Variants in PLA2G2C observed in about 807,000 individuals in gnomAD.
PLA2G2C encodes the protein putative inactive group IIC secretory phospholipase A2.
A neutral mutation model predicts 14.3 loss-of-function variants in PLA2G2C; 15 were observed. That is an observed-to-expected ratio of 1.05 (90% CI 0.70 to 1.62). PLA2G2C has a LOEUF of 1.62. Ranked by LOEUF, PLA2G2C falls within the 40% of genes most tolerant of loss-of-function variation. The pLI, the probability that PLA2G2C is intolerant of heterozygous loss-of-function variation, is 0.00. For synonymous variants in PLA2G2C, 79 were observed against 67.7 expected (o/e 1.17, Z -0.82); for missense variants, 162 against 173.2 (o/e 0.94, Z 0.36).
At position 20,175,148 on chromosome 1, in the gene PLA2G2C, G is replaced by A; in HGVS notation, c.41-3C>T. ...CCAGAAACTGCTGTGGGTGGGGGCT[G>A]CCACCACCGATGAGAAAAAAAGGAA... On this transcript the variant is annotated splice_polypyrimidine_tract_variant and splice_region_variant and intron_variant, in intron 2 of 4. Coordinates refer to ENST00000679259, the MANE Select transcript of PLA2G2C (RefSeq NM_001367969.2). 1 of 1,613,914 alleles carries A rather than the reference G, an allele frequency of 6.2e-7. No individual in the cohort carries two copies. The highest frequency in any genetic ancestry group is 1.7e-4 in the Middle Eastern group (1 of 6,060).
chr1:20,163,907 C>T lies in PLA2G2C; in HGVS notation c.*84G>A. On this transcript the variant is annotated 3_prime_UTR_variant, in exon 5 of 5. Transcript: ENST00000679259. ...CTCCCTCCCAGTGGAAGAACAGGGG[C>T]CTGTTGGGGATGATCTGAGAAGGCT... is the stretch of plus-strand genomic sequence containing the variant. 2 of 1,411,856 alleles carry T rather than the reference C, an allele frequency of 1.4e-6. No individual in the cohort carries two copies. Among genetic ancestry groups the T allele is most frequent in the Non-Finnish European group, 1.9e-6 (2 of 1,048,594 alleles). The allele number at this position is 1,411,856 out of a possible 1,614,324, so 87.5% of individuals were successfully genotyped here.
At chr1:20,175,306 G>T in intron 2 of PLA2G2C, 161 bp from the exon 3 acceptor site, 1 of 1,054,564 alleles carries the variant, frequency 9.5e-7, no homozygotes, top group Non-Finnish European at 1.4e-6. Context: ...CCTCTTTCCT[G>T]GGGAATAAAA....
At chr1:20,173,118 G>A (rs2018117641) in intron 3 of PLA2G2C, among the ~76,000 whole-genome samples, 1 of 151,398 alleles carries the variant, frequency 6.6e-6, no homozygotes, top group Non-Finnish European at 1.5e-5. Context: ...AGACCAGCCT[G>A]GGCAACATAG....
chr1:20,171,784 C>T (rs562348883), intron 4 of PLA2G2C, among the ~76,000 whole-genome samples: 5 of 125,504 alleles, frequency 4.0e-5, no homozygotes, highest in Non-Finnish European at 8.2e-5. Context: ...TTTTTTGAGA[C>T]GGAGTCTCGC....
At chr1:20,171,928 A>AT (rs969289757) in intron 4 of PLA2G2C, among the ~76,000 whole-genome samples, 1 of 150,082 alleles carries the variant, frequency 6.7e-6, no homozygotes, top group African/African-American at 2.5e-5. Flanking sequence ...CGCCCGGCTA[A>AT]TTTTTTTTGT....
At chr1:20,179,521 C>CTG (rs35039220) in intron 1 of PLA2G2C, among the ~76,000 whole-genome samples, 4,960 of 136,442 alleles carry the variant, frequency 0.036, 217 homozygotes, top group African/African-American at 0.1. Context: ...ATGTCAGTTT[C>CTG]TGTGTGTGTG....
chr1:20,175,615 C>T (rs555759334), intron 2 of PLA2G2C, among the ~76,000 whole-genome samples: 2 of 152,188 alleles, frequency 1.3e-5, no homozygotes, highest in Non-Finnish European at 2.9e-5. Flanking sequence ...ATGACAAGTA[C>T]ACATGAACTC....
intron 1 of PLA2G2C, among the ~76,000 whole-genome samples, chr1:20,181,784 G>A (rs2018282732): frequency 6.6e-6 from 1 of 152,172 alleles, no homozygotes; most frequent in Admixed American, 6.5e-5. Context: ...GTGTGCTGGG[G>A]CAGCTGACTC....
chr1:20,167,258 A>T (rs2017995004), intron 4 of PLA2G2C, among the ~76,000 whole-genome samples: 1 of 152,080 alleles, frequency 6.6e-6, no homozygotes, highest in Non-Finnish European at 1.5e-5. Context: ...TGGGCTCCAG[A>T]CTTCAATAAG....
chr1:20,178,751 G>T (rs185601188), intron 1 of PLA2G2C, among the ~76,000 whole-genome samples: 1 of 152,206 alleles, frequency 6.6e-6, no homozygotes, highest in Non-Finnish European at 1.5e-5. Context: ...CATGAAATCC[G>T]ATAGACTCTT....
intron 1 of PLA2G2C, among the ~76,000 whole-genome samples, chr1:20,180,350 A>C (rs981795784): frequency 6.6e-6 from 1 of 152,208 alleles, no homozygotes; most frequent in Non-Finnish European, 1.5e-5. Context: ...GGTCACAGAA[A>C]TCTTCCCAGG....
In PLA2G2C at chr1:20,177,303, C is replaced by T. The variant is rs138470010; in HGVS notation, c.40+21G>A. 3 of 700,620 alleles carry T rather than the reference C, an allele frequency of 4.3e-6. No individual in the cohort carries two copies. In the East Asian group the frequency reaches 8.1e-5, roughly 19 times the overall value. The allele number at this position is 700,620 out of a possible 1,614,324, so 43.4% of individuals were successfully genotyped here. ...CAGGAAGACAGAAGCTTGGTGCTGA[C>T]CCACCAAGCTCTCTACTTACAGCAG... On this transcript the variant is annotated intron_variant, in intron 2 of 4. Transcript: ENST00000679259.
At chr1:20,168,658 G>A (rs1032416175) in intron 4 of PLA2G2C, among the ~76,000 whole-genome samples, 3 of 152,202 alleles carry the variant, frequency 2.0e-5, no homozygotes, top group Non-Finnish European at 2.9e-5. Context: ...TCATCTTCCC[G>A]CTTTGGCAGA....
chr1:20,181,756 C>T (rs775192363), intron 1 of PLA2G2C, among the ~76,000 whole-genome samples: 3 of 152,192 alleles, frequency 2.0e-5, no homozygotes, highest in African/African-American at 7.2e-5. Flanking sequence ...TCAACGAAGC[C>T]TAGAAGCCTG....
intron 3 of PLA2G2C, among the ~76,000 whole-genome samples, chr1:20,174,714 C>T (rs1470950013): frequency 6.6e-6 from 1 of 152,148 alleles, no homozygotes; most frequent in Non-Finnish European, 1.5e-5. Flanking sequence ...TGTTTAGGCC[C>T]TTATGAGTGC....
At chr1:20,174,334 C>T (rs2100719433) in intron 3 of PLA2G2C, among the ~76,000 whole-genome samples, 1 of 152,324 alleles carries the variant, frequency 6.6e-6, no homozygotes, top group South Asian at 2.1e-4. Context: ...TACCTCCCCA[C>T]ACGTACATTC....
At chr1:20,172,987 T>C in intron 3 of PLA2G2C, 90 bp from the exon 4 acceptor site, 3 of 902,424 alleles carry the variant, frequency 3.3e-6, no homozygotes, top group Non-Finnish European at 3.5e-6. Context: ...CAAGAAGGCA[T>C]TGAAGGTGAG....
chr1:20,176,429 T>C (rs2018184587), intron 2 of PLA2G2C, among the ~76,000 whole-genome samples: 1 of 152,168 alleles, frequency 6.6e-6, no homozygotes, highest in Non-Finnish European at 1.5e-5. Flanking sequence ...GCAATAAAAA[T>C]ACAACAAAGA....
chr1:20,165,298 AG>A (rs1355461517), intron 4 of PLA2G2C, among the ~76,000 whole-genome samples: 1 of 152,196 alleles, frequency 6.6e-6, no homozygotes, highest in African/African-American at 2.4e-5. Context: ...ACCTCCTCAG[AG>A]AGGTGCTCCC....
Sources: allele counts gnomAD v4.1 joint callset (sites outside exome capture counted in the v4.1 genomes callset), GRCh38; gene constraint gnomAD v4.1.1; transcripts MANE v1.5; gene names NCBI Gene and HGNC (gene_info 2026-07-23, HGNC 2026-07-21).